Variants in ARL9 observed in about 807,000 individuals in gnomAD.
ARL9 encodes the protein ADP-ribosylation factor-like protein 9.
Under a neutral mutation model 27.0 loss-of-function variants are expected in ARL9, and 14 were observed. The ratio of observed to expected loss-of-function variants is 0.52; its 90% CI spans 0.34 to 0.81. The LOEUF (loss-of-function observed/expected upper bound fraction) is 0.81. Among genes scored for constraint, ARL9 ranks in the 30% least tolerant of loss-of-function variants. ARL9 has a pLI of 0.01. For missense variants in ARL9, 294 were observed against 290.0 expected (o/e 1.01, Z -0.10); for synonymous variants, 106 against 108.7 (o/e 0.98, Z 0.15).
intron 2 of ARL9, among the ~76,000 whole-genome samples, chr4:56,511,959 A>G (rs891487050): frequency 2.6e-5 from 4 of 152,310 alleles, no homozygotes; most frequent in South Asian, 2.1e-4. Context: ...GATTTTTCCA[A>G]TATCTGTTCT....
At position 56,511,053 on chromosome 4, in the gene ARL9, G is replaced by A. The variant is rs566265367; in HGVS notation, c.280-132G>A. 4.0e-4 allele frequency: 349 copies of A among 868,298 alleles called. 1 individual carries two copies. The highest frequency in any genetic ancestry group is 2.1e-3 in the South Asian group (89 of 42,844). The allele number at this position is 868,298 out of a possible 1,614,324, so 53.8% of individuals were successfully genotyped here. A position where few individuals can be genotyped will look rare whatever the true frequency, so the allele number is the denominator to read the frequency against. On this transcript the variant is annotated intron_variant, in intron 1 of 3. Coordinates refer to ENST00000640821, the MANE Select transcript of ARL9 (RefSeq NM_001363794.2). Reference sequence around the variant, plus strand: ...CTCCCAAAGTGCTGGGATTACAGGCGTGAGCCACCGCACCTGGCCCGTGGA... The same window carrying A: ...CTCCCAAAGTGCTGGGATTACAGGCATGAGCCACCGCACCTGGCCCGTGGA...
At chr4:56,505,548 T>A (rs1243099511), upstream of ARL9, 6 of 557,146 alleles carry the variant, frequency 1.1e-5, no homozygotes, top group Non-Finnish European at 1.7e-5. Flanking sequence ...AGCAATGATA[T>A]ACCCCGCCGA....
At chr4:56,521,777 T>C (rs1368381208) in intron 3 of ARL9, among the ~76,000 whole-genome samples, 1 of 152,226 alleles carries the variant, frequency 6.6e-6, no homozygotes, top group Non-Finnish European at 1.5e-5. Flanking sequence ...AATTGCCTAT[T>C]AATATGTTTT....
chr4:56,509,532 C>T (rs1721569571), intron 1 of ARL9, among the ~76,000 whole-genome samples: 1 of 150,952 alleles, frequency 6.6e-6, no homozygotes, highest in African/African-American at 2.4e-5. Context: ...ACTTCAAGTT[C>T]ATCAGTTTAG....
At chr4:56,509,928 C>T (rs1262520391) in intron 1 of ARL9, among the ~76,000 whole-genome samples, 4 of 151,672 alleles carry the variant, frequency 2.6e-5, no homozygotes, top group African/African-American at 7.3e-5. Flanking sequence ...AGGCTGGTTT[C>T]GAACTCCTGA....
Position 56,505,838 on chromosome 4 carries a change from A to G in ARL9, c.-25A>G, listed in dbSNP as rs1402629190. 6 of 1,278,650 alleles carry G rather than the reference A, an allele frequency of 4.7e-6. No homozygotes were observed. Among genetic ancestry groups the G allele is most frequent in the Non-Finnish European group, 5.9e-6 (6 of 1,015,118 alleles). The allele number at this position is 1,278,650 out of a possible 1,614,324, so 79.2% of individuals were successfully genotyped here. A position where few individuals can be genotyped will look rare whatever the true frequency, so the allele number is the denominator to read the frequency against. On this transcript the variant is annotated 5_prime_UTR_variant, in exon 1 of 4. Coordinates refer to ENST00000640821, the MANE Select transcript of ARL9 (RefSeq NM_001363794.2). ...GCTCAGCACGCGGGCACGCGGCGGG[A>G]GGGAAGGAAACCGCGGCGCTGGGGA...
chr4:56,507,101 T>C (rs892636064), intron 1 of ARL9, among the ~76,000 whole-genome samples: 1 of 150,782 alleles, frequency 6.6e-6, no homozygotes, highest in African/African-American at 2.4e-5. Context: ...TTAACAGAGA[T>C]TTGATCTCTG....
At chr4:56,521,939 A>G (rs1721931356) in intron 3 of ARL9, among the ~76,000 whole-genome samples, 1 of 151,226 alleles carries the variant, frequency 6.6e-6, no homozygotes, top group Non-Finnish European at 1.5e-5. Context: ...TTACTTTTAT[A>G]CAAAAGATTT....
chr4:56,520,631 A>G (rs971098897), intron 3 of ARL9, among the ~76,000 whole-genome samples: 1 of 152,224 alleles, frequency 6.6e-6, no homozygotes, highest in African/African-American at 2.4e-5. Flanking sequence ...TGAACTGTAC[A>G]CTTAAAAATG....
At chr4:56,519,753 A>G (rs372971727) in intron 3 of ARL9, among the ~76,000 whole-genome samples, 2 of 152,110 alleles carry the variant, frequency 1.3e-5, no homozygotes, top group African/African-American at 4.8e-5. Context: ...TGTATGTTTT[A>G]TGTTTTTTAT....
chr4:56,511,943 A>G (rs999941827), intron 2 of ARL9, among the ~76,000 whole-genome samples: 1 of 152,150 alleles, frequency 6.6e-6, no homozygotes, highest in Non-Finnish European at 1.5e-5. Context: ...GAAAAACAAA[A>G]TGCTTGATTT....
intron 1 of ARL9, among the ~76,000 whole-genome samples, chr4:56,509,201 C>CTT (rs201536471): frequency 3.7e-5 from 5 of 133,342 alleles, no homozygotes; most frequent in Admixed American, 8.2e-5. Flanking sequence ...TTTTCTTTTT[C>CTT]TTTTTTTTGT....
chr4:56,505,854 G>A lies in ARL9; in HGVS notation c.-9G>A. 1 of 1,275,008 alleles carries A rather than the reference G, an allele frequency of 7.8e-7. No individual in the cohort carries two copies. Among genetic ancestry groups the A allele is most frequent in the South Asian group, 3.0e-5 (1 of 33,194 alleles). 79.0% of individuals were successfully genotyped at this position (1,275,008 alleles called of 1,614,324 possible). A position where few individuals can be genotyped will look rare whatever the true frequency, so the allele number is the denominator to read the frequency against. ...CGCGGCGGGAGGGAAGGAAACCGCGGCGCTGGGGATGGAGAGGGGGAAAGT... is the reference window on the plus strand; with the variant it reads ...CGCGGCGGGAGGGAAGGAAACCGCGACGCTGGGGATGGAGAGGGGGAAAGT... On this transcript the variant is annotated 5_prime_UTR_variant, in exon 1 of 4. Coordinates refer to ENST00000640821, the MANE Select transcript of ARL9 (RefSeq NM_001363794.2).
Position 56,505,992 on chromosome 4 carries a change from A to G in ARL9, c.130A>G (p.Lys44Glu). 1 of 1,205,024 alleles carries G rather than the reference A, an allele frequency of 8.3e-7. No homozygotes were observed. The highest frequency in any genetic ancestry group is 1.0e-6 in the Non-Finnish European group (1 of 961,768). 74.6% of individuals were successfully genotyped at this position (1,205,024 alleles called of 1,614,324 possible). ...VEQKIKQKQEKQERRKGKEKE... is the reference protein window; with the variant it reads ...VEQKIKQKQEEQERRKGKEKE... ...GCAGAAAATTAAACAAAAGCAAGAGAAGCAGGAGAGGAGAAAGGGAAAAGA... is the reference window on the plus strand; with the variant it reads ...GCAGAAAATTAAACAAAAGCAAGAGGAGCAGGAGAGGAGAAAGGGAAAAGA... The change falls in exon 1 of 4, where the codon AAG becomes GAG. Residue 44 changes from lysine to glutamate, a missense_variant. Coordinates refer to ENST00000640821, the MANE Select transcript of ARL9 (RefSeq NM_001363794.2).
At chr4:56,519,492 C>T (rs142836026) in intron 3 of ARL9, among the ~76,000 whole-genome samples, 3,695 of 152,088 alleles carry the variant, frequency 0.024, 144 homozygotes, top group East Asian at 0.19. Context: ...CACCTGTAGT[C>T]CCAGCTACTC....
In ARL9 at chr4:56,523,700, C is replaced by T. The variant is rs779105544; in HGVS notation, c.622C>T (p.Leu208Phe). The T allele has an allele frequency of 6.2e-7, 1 of 1,610,502 alleles. No individual in the cohort carries two copies. The highest frequency in any genetic ancestry group is 2.2e-5 in the East Asian group (1 of 44,824). ...TCTTATTCCACTCCGGATGAAGGAT[C>T]TTGAAGCAGCCTATCACATTACAGA... ...PLVVFANKQD[L>F]EAAYHITDIH... is the part of the protein sequence containing the mutation. Residue 208 changes from leucine (L) to phenylalanine (F), a missense_variant, in exon 4 of 4, where the codon CTT (leucine) becomes TTT (phenylalanine). Coordinates refer to ENST00000640821, the MANE Select transcript of ARL9 (RefSeq NM_001363794.2).
intron 2 of ARL9, among the ~76,000 whole-genome samples, chr4:56,518,244 C>T (rs2110152349): frequency 6.6e-6 from 1 of 152,198 alleles, no homozygotes; most frequent in South Asian, 2.1e-4. Context: ...ACCCTGTCGC[C>T]CAGGCTGGTC....
intron 1 of ARL9, among the ~76,000 whole-genome samples, chr4:56,510,533 G>T (rs1205085560): frequency 6.6e-6 from 1 of 152,112 alleles, no homozygotes; most frequent in Non-Finnish European, 1.5e-5. Flanking sequence ...GAATTCAGGT[G>T]CAGTCTCCAA....
At chr4:56,512,069 A>G (rs1298275002) in intron 2 of ARL9, among the ~76,000 whole-genome samples, 2 of 151,800 alleles carry the variant, frequency 1.3e-5, no homozygotes, top group African/African-American at 4.8e-5. Context: ...TTGCATTCCC[A>G]CCTCCAGTAC....
Sources: gnomAD v4.1 joint callset for allele counts (sites outside exome capture counted in the v4.1 genomes callset) on GRCh38, gnomAD v4.1.1 for gene constraint, MANE v1.5 for transcripts, NCBI Gene and HGNC (gene_info 2026-07-23, HGNC 2026-07-21) for gene names.